Variants in TBC1D15 observed in about 807,000 individuals in gnomAD.
TBC1D15 encodes the protein TBC1 domain family member 15, also known as GAP for RAB7.
A neutral mutation model predicts 95.4 loss-of-function variants in TBC1D15; 39 were observed. The observed-to-expected ratio is 0.41, with a 90% confidence interval of 0.32 to 0.53. The LOEUF is 0.53. Ranked by LOEUF, TBC1D15 falls within the 20% of genes least tolerant of loss-of-function variation. The pLI, the probability that TBC1D15 is intolerant of heterozygous loss-of-function variation, is 0.29. For synonymous variants in TBC1D15, 258 were observed against 261.3 expected, an observed-to-expected ratio of 0.99 and a Z score of 0.12; for missense variants, 733 against 794.3, an observed-to-expected ratio of 0.92 and a Z score of 0.93.
Position 71,918,370 on chromosome 12 carries a change from G to A in TBC1D15, c.1502-81G>A, listed in dbSNP as rs924708085. On this transcript the variant is annotated intron_variant, in intron 13 of 16. Transcript: ENST00000485960. ...GGCCTTGAATTGCCTAAGATGCATA[G>A]GAAAGTTAGAGAAAAGTAACTGTAT... The A allele has an allele frequency of 7.9e-6, 7 of 887,108 alleles. No homozygotes were observed. In the African/African-American group the frequency reaches 1.2e-4, roughly 16 times the overall value. The allele number at this position is 887,108 out of a possible 1,614,324, so 55.0% of individuals were successfully genotyped here.
At chr12:71,851,108 G>A (rs1365827474) in intron 1 of TBC1D15, among the ~76,000 whole-genome samples, 2 of 151,858 alleles carry the variant, frequency 1.3e-5, no homozygotes. Context: ...CATCTGCTCA[G>A]CTTCTGGGAG....
rs1423564422 is a variant in TBC1D15, at chr12:71,894,834, G to A, written c.806G>A (p.Gly269Asp). ...MADFLSDAIP[G>D]LKINQQEEPG... ...GATTTTCTTAGTGATGCTATTCCAG[G>A]TCTAAAGATAAATCAACAAGAAGAA... Residue 269 changes from glycine to aspartate, a missense_variant, in exon 7 of 17, where the codon GGT (glycine) becomes GAT (aspartate). Transcript: ENST00000485960. The A allele has an allele frequency of 1.2e-6, 2 of 1,613,032 alleles. No homozygotes were observed. The highest frequency in any genetic ancestry group is 1.3e-5 in the African/African-American group (1 of 74,976).
chr12:71,872,102 C>G lies in TBC1D15; in HGVS notation c.63C>G (p.His21Gln). 1 of 1,568,052 alleles carries G rather than the reference C, an allele frequency of 6.4e-7. No homozygotes were observed. Residue 21 changes from histidine to glutamine, a missense_variant, in exon 2 of 17, where the codon CAC becomes CAG. By Grantham distance (24) the His-to-Gln change is conservative. Coordinates refer to ENST00000485960, the MANE Select transcript of TBC1D15 (RefSeq NM_001146213.3). ...IIYEQEGVYI[H>Q]SSCGKTNDQD... Reference sequence around the variant, plus strand: ...ATGAACAAGAAGGAGTATATATTCACTCATCTTGTGGAAAGACCAATGACC... The same window carrying G: ...ATGAACAAGAAGGAGTATATATTCAGTCATCTTGTGGAAAGACCAATGACC...
At chr12:71,850,609 C>T (rs970307422) in intron 1 of TBC1D15, among the ~76,000 whole-genome samples, 4 of 151,816 alleles carry the variant, frequency 2.6e-5, no homozygotes, top group Non-Finnish European at 5.9e-5. Flanking sequence ...TGGGGTCTAG[C>T]TGTGTTGCCG....
In TBC1D15 at chr12:71,872,139, A is replaced by G; in HGVS notation, c.100A>G (p.Ile34Val). 2 of 1,579,138 alleles carry G rather than the reference A, an allele frequency of 1.3e-6. No homozygotes were observed. The highest frequency in any genetic ancestry group is 2.3e-5 in the East Asian group (1 of 42,922). Residue 34 changes from isoleucine to valine, a missense_variant, in exon 2 of 17, where the codon ATT becomes GTT. Physicochemically the swap from Ile to Val is conservative, Grantham distance 29. Coordinates refer to ENST00000485960, the MANE Select transcript of TBC1D15 (RefSeq NM_001146213.3). ...CGKTNDQDGLISGILRVLEKD... is the reference protein window; with the variant it reads ...CGKTNDQDGLVSGILRVLEKD... ...AAAGACCAATGACCAAGACGGCTTG[A>G]TTTCAGGAATATTACGTGTTTTAGA...
At chr12:71,904,287 A>C (rs1049749189) in intron 10 of TBC1D15, among the ~76,000 whole-genome samples, 5 of 152,212 alleles carry the variant, frequency 3.3e-5, no homozygotes, top group Non-Finnish European at 4.4e-5. Context: ...GGAGATTTTG[A>C]TTAAAGAAGA....
chr12:71,862,663 T>G (rs1890636822), intron 1 of TBC1D15, among the ~76,000 whole-genome samples: 1 of 152,234 alleles, frequency 6.6e-6, no homozygotes, highest in Non-Finnish European at 1.5e-5. Flanking sequence ...TAGGTGAGGA[T>G]TTATTCCTCT....
chr12:71,912,859 G>A (rs1902740314), intron 11 of TBC1D15, among the ~76,000 whole-genome samples: 1 of 151,992 alleles, frequency 6.6e-6, no homozygotes, highest in African/African-American at 2.4e-5. Context: ...TAAGTAAAAA[G>A]GCTTAGTATA....
chr12:71,897,118 CATT>C (rs1168689166), intron 9 of TBC1D15: 1 of 172,796 alleles, frequency 5.8e-6, no homozygotes, highest in East Asian at 1.6e-4. Flanking sequence ...TTTTATAATT[CATT>C]ATGAAATTAT....
rs1460648156 is a variant in TBC1D15, at chr12:71,923,488, T to C, written c.*284T>C. ...ACTGGAATTGGATAAATATTGCAAG[T>C]GGATGAGTTGGAAATTATGCACTTT... On this transcript the variant is annotated 3_prime_UTR_variant, in exon 17 of 17. Transcript: ENST00000485960. The C allele has an allele frequency of 6.4e-6, 2 of 310,584 alleles. No homozygotes were observed. Among genetic ancestry groups the C allele is most frequent in the Non-Finnish European group, 1.2e-5 (2 of 166,960 alleles). The allele number at this position is 310,584 out of a possible 1,614,324, so 19.2% of individuals were successfully genotyped here.
At chr12:71,868,427 T>C (rs747506553) in intron 1 of TBC1D15, among the ~76,000 whole-genome samples, 3 of 152,016 alleles carry the variant, frequency 2.0e-5, no homozygotes, top group African/African-American at 2.4e-5. Flanking sequence ...TTCTATTTTT[T>C]AGTAGAGACG....
chr12:71,918,697 A>G, intron 14 of TBC1D15, 149 bp downstream of exon 14: 1 of 524,620 alleles, frequency 1.9e-6, no homozygotes. Context: ...CCTCTTCTTA[A>G]AAATTAGTTT....
intron 8 of TBC1D15, 138 bp from the exon 9 acceptor site, chr12:71,896,539 G>T: frequency 1.4e-6 from 1 of 699,308 alleles, no homozygotes. Context: ...AAAACAAGAT[G>T]ATATTCACTG....
intron 5 of TBC1D15, among the ~76,000 whole-genome samples, chr12:71,885,308 C>T (rs1309657635): frequency 6.6e-6 from 1 of 152,052 alleles, no homozygotes; most frequent in Non-Finnish European, 1.5e-5. Flanking sequence ...TAATTTATGG[C>T]CTATGTGTTT....
At chr12:71,886,025 A>G (rs956418750) in intron 5 of TBC1D15, among the ~76,000 whole-genome samples, 3 of 152,240 alleles carry the variant, frequency 2.0e-5, no homozygotes, top group Admixed American at 6.5e-5. Context: ...AGGTTCTTCC[A>G]GTTATCCAGG....
intron 10 of TBC1D15, 80 bp from the exon 11 acceptor site, chr12:71,906,942 C>G: frequency 1.3e-6 from 1 of 771,698 alleles, no homozygotes; most frequent in Non-Finnish European, 2.0e-6. Context: ...AGAAAAATGA[C>G]TCTGTACTTG....
intron 11 of TBC1D15, among the ~76,000 whole-genome samples, chr12:71,913,168 GT>G (rs1339456745): frequency 6.6e-6 from 1 of 151,972 alleles, no homozygotes; most frequent in Non-Finnish European, 1.5e-5. Flanking sequence ...TATTGATTGG[GT>G]TAAGCCCAGT....
At chr12:71,878,659 GCACCCCC>G (rs1894480382) in intron 3 of TBC1D15, among the ~76,000 whole-genome samples, 1 of 151,698 alleles carries the variant, frequency 6.6e-6, no homozygotes, top group East Asian at 1.9e-4. Context: ...GGGATTACAG[GCACCCCC>G]CACCACTCCC....
At chr12:71,849,426 C>A in intron 1 of TBC1D15, 1 of 1,204,398 alleles carries the variant, frequency 8.3e-7, no homozygotes, top group South Asian at 1.2e-5. Flanking sequence ...TGTAATCAGT[C>A]AAAACACTCC....
Sources: gnomAD v4.1 joint callset for allele counts (sites outside exome capture counted in the v4.1 genomes callset) on GRCh38, gnomAD v4.1.1 for gene constraint, MANE v1.5 for transcripts, NCBI Gene and HGNC (gene_info 2026-07-23, HGNC 2026-07-21) for gene names.